The following CHODL variants were observed in gnomAD, a reference collection of about 807,000 sequenced individuals.
CHODL encodes transmembrane protein MT75.
CHODL carries 29 observed loss-of-function variants against 34.5 expected under a neutral mutation model. The ratio of observed to expected loss-of-function variants is 0.84; its 90% CI spans 0.63 to 1.15. The LOEUF (loss-of-function observed/expected upper bound fraction) is 1.15. CHODL is among the 50% of genes most tolerant of loss of function. The pLI, the probability that CHODL is intolerant of heterozygous loss-of-function variation, is 0.00. For synonymous variants in CHODL, 125 were observed against 116.1 expected (o/e 1.08, Z -0.49); for missense variants, 332 against 332.5 (o/e 1.00, Z 0.01).
intron 2 of CHODL, among the ~76,000 whole-genome samples, chr21:18,215,293 C>T (rs537241588): frequency 2.0e-5 from 3 of 152,044 alleles, no homozygotes; most frequent in Non-Finnish European, 4.4e-5. Flanking sequence ...TAGGGCTAGT[C>T]CTCCTACCTA....
chr21:18,004,272 C>T (rs150839612), intron 1 of CHODL, among the ~76,000 whole-genome samples: 111 of 152,222 alleles, frequency 7.3e-4, no homozygotes, highest in African/African-American at 2.3e-3. Flanking sequence ...CACTCTGTTG[C>T]GATCAAGAAT....
intron 2 of CHODL, among the ~76,000 whole-genome samples, chr21:18,232,028 G>T (rs559021851): frequency 6.6e-6 from 1 of 152,138 alleles, no homozygotes; most frequent in South Asian, 2.1e-4. Flanking sequence ...TCAGAGAGAA[G>T]AGCACTGTTG....
chr21:18,101,054 C>A (rs1212548335), intron 2 of CHODL, among the ~76,000 whole-genome samples: 1 of 152,080 alleles, frequency 6.6e-6, no homozygotes. Flanking sequence ...TCTTGTAGCT[C>A]AATGATTCCC....
intron 2 of CHODL, among the ~76,000 whole-genome samples, chr21:18,173,777 T>A (rs930975078): frequency 7.2e-5 from 11 of 152,090 alleles, no homozygotes; most frequent in Middle Eastern, 3.4e-3. Context: ...TTCCCATGAA[T>A]GGGTTATTTT....
At chr21:18,051,216 G>A (rs894301496) in intron 2 of CHODL, among the ~76,000 whole-genome samples, 1 of 151,910 alleles carries the variant, frequency 6.6e-6, no homozygotes, top group Non-Finnish European at 1.5e-5. Flanking sequence ...TGCTGAGCAT[G>A]ATGGTTTCCA....
At chr21:18,063,375 A>G (rs761639642) in intron 2 of CHODL, among the ~76,000 whole-genome samples, 1 of 152,228 alleles carries the variant, frequency 6.6e-6, no homozygotes, top group African/African-American at 2.4e-5. Context: ...GCCACACTTT[A>G]GTGACTTCCT....
intron 2 of CHODL, among the ~76,000 whole-genome samples, chr21:18,050,757 C>T (rs1255099936): frequency 6.6e-6 from 1 of 151,656 alleles, no homozygotes; most frequent in African/African-American, 2.4e-5. Flanking sequence ...GTCATGTTGA[C>T]TTTGTGGTGC....
At chr21:18,110,463 G>T (rs1010611113) in intron 2 of CHODL, among the ~76,000 whole-genome samples, 1 of 152,088 alleles carries the variant, frequency 6.6e-6, no homozygotes, top group Non-Finnish European at 1.5e-5. Flanking sequence ...TTTGCCTCTT[G>T]GAATGCTCCT....
rs564955344 is a variant in CHODL, at chr21:18,244,869, C to G, written c.-355C>G. 59 of 238,848 alleles carry G rather than the reference C, an allele frequency of 2.5e-4. No individual in the cohort carries two copies. Among genetic ancestry groups the G allele is most frequent in the African/African-American group, 1.2e-3 (55 of 44,204 alleles). The allele number at this position is 238,848 out of a possible 1,614,324, so 14.8% of individuals were successfully genotyped here. On this transcript the variant is annotated 5_prime_UTR_variant, in exon 1 of 6. Transcript: ENST00000299295. ...GATCCAGGACCAGGGCGCACCGGCT[C>G]AGCCTCTCACTTGTCAGAGGCCGGG...
chr21:18,102,660 C>T (rs1372223866), intron 2 of CHODL, among the ~76,000 whole-genome samples: 1 of 152,096 alleles, frequency 6.6e-6, no homozygotes. Context: ...ACCTATTGCT[C>T]TTTATAATTG....
intron 2 of CHODL, among the ~76,000 whole-genome samples, chr21:18,142,599 G>A (rs751504351): frequency 3.3e-5 from 5 of 152,082 alleles, no homozygotes; most frequent in South Asian, 2.1e-4. Flanking sequence ...CTTGGGTCAC[G>A]TTACCCTGAG....
chr21:18,123,095 C>T (rs1255913946), intron 2 of CHODL, among the ~76,000 whole-genome samples: 1 of 152,162 alleles, frequency 6.6e-6, no homozygotes, highest in Admixed American at 6.5e-5. Context: ...CACAAGACTG[C>T]TTATGGGAGT....
At chr21:18,210,683 T>A (rs1221061631) in intron 2 of CHODL, among the ~76,000 whole-genome samples, 1 of 152,168 alleles carries the variant, frequency 6.6e-6, no homozygotes, top group Admixed American at 6.5e-5. Context: ...CCTTATCACT[T>A]CCATAGCTAC....
chr21:18,107,635 C>G (rs1241126887), intron 2 of CHODL, among the ~76,000 whole-genome samples: 2 of 152,166 alleles, frequency 1.3e-5, no homozygotes, highest in African/African-American at 2.4e-5. Context: ...AGCATAATAA[C>G]TAGCATCAGG....
chr21:18,128,730 T>C (rs2072613333), intron 2 of CHODL, among the ~76,000 whole-genome samples: 1 of 151,888 alleles, frequency 6.6e-6, no homozygotes, highest in South Asian at 2.1e-4. Context: ...TCTTAATCTG[T>C]TTTTTTTCTC....
intron 2 of CHODL, among the ~76,000 whole-genome samples, chr21:18,239,633 C>A (rs2074062687): frequency 6.6e-6 from 1 of 152,000 alleles, no homozygotes; most frequent in Admixed American, 6.6e-5. Flanking sequence ...TCTTTACACC[C>A]TTTCCCTTTT....
chr21:18,112,618 A>G (rs1203750977), intron 2 of CHODL, among the ~76,000 whole-genome samples: 1 of 152,232 alleles, frequency 6.6e-6, no homozygotes, highest in Non-Finnish European at 1.5e-5. Flanking sequence ...TCTCACATCT[A>G]CAGTGAACTC....
intron 2 of CHODL, among the ~76,000 whole-genome samples, chr21:18,168,322 C>A (rs924100575): frequency 1.3e-5 from 2 of 152,188 alleles, no homozygotes. Flanking sequence ...CTCTAGAAAA[C>A]CCTGACTAAT....
At chr21:18,125,740 CAT>C (rs2065535491) in intron 2 of CHODL, among the ~76,000 whole-genome samples, 1 of 152,026 alleles carries the variant, frequency 6.6e-6, no homozygotes, top group South Asian at 2.1e-4. Flanking sequence ...GGATTACAGT[CAT>C]GTGCTAATTT....
Sources: allele counts gnomAD v4.1 joint callset (sites outside exome capture counted in the v4.1 genomes callset), GRCh38; gene constraint gnomAD v4.1.1; transcripts MANE v1.5; gene names NCBI Gene and HGNC (gene_info 2026-07-23, HGNC 2026-07-21).